Variants in IPO11 observed in about 807,000 individuals in gnomAD.
IPO11 encodes importin-11.
In IPO11, 66 loss-of-function variants were observed where a neutral mutation model predicts 143.2. The ratio of observed to expected loss-of-function variants is 0.46; its 90% confidence interval spans 0.38 to 0.57. IPO11 has a LOEUF of 0.57. Among genes scored for constraint, IPO11 ranks in the 20% least tolerant of loss-of-function variants. The pLI is 0.00. For synonymous variants in IPO11, 385 were observed against 377.8 expected, an observed-to-expected ratio of 1.02 and a Z score of -0.22; for missense variants, 1,026 against 1,141.0, an observed-to-expected ratio of 0.90 and a Z score of 1.45.
At chr5:62,559,207 A>G (rs576360948) in intron 26 of IPO11, among the ~76,000 whole-genome samples, 25 of 152,164 alleles carry the variant, frequency 1.6e-4, no homozygotes, top group African/African-American at 5.3e-4. Flanking sequence ...TGCTGCATCA[A>G]TTGACTCTTC....
intron 28 of IPO11, 100 bp from the exon 29 acceptor site, chr5:62,601,664 A>G (rs887411611): frequency 3.9e-6 from 2 of 516,770 alleles, no homozygotes; most frequent in Admixed American, 4.3e-5. Context: ...AAAAACTAAG[A>G]ACATAGAATT....
At chr5:62,577,887 A>G (rs778981208) in intron 27 of IPO11, among the ~76,000 whole-genome samples, 2 of 152,126 alleles carry the variant, frequency 1.3e-5, no homozygotes, top group Non-Finnish European at 2.9e-5. Flanking sequence ...TTATCAGGCT[A>G]TTAGTAATAT....
chr5:62,620,612 T>C (rs1580398686), intron 29 of IPO11, among the ~76,000 whole-genome samples: 1 of 152,294 alleles, frequency 6.6e-6, no homozygotes, highest in South Asian at 2.1e-4. Flanking sequence ...ATTTAAATTT[T>C]TCTGGTTGAC....
intron 24 of IPO11, among the ~76,000 whole-genome samples, chr5:62,541,574 A>G (rs983992539): frequency 6.6e-6 from 1 of 151,550 alleles, no homozygotes; most frequent in African/African-American, 2.4e-5. Context: ...CTAGCTACTC[A>G]GGAGTCTGAG....
chr5:62,527,982 C>T (rs1382239646), intron 21 of IPO11, among the ~76,000 whole-genome samples: 2 of 152,064 alleles, frequency 1.3e-5, no homozygotes, highest in Non-Finnish European at 2.9e-5. Flanking sequence ...TAATTCCTAC[C>T]CTTACATGGT....
intron 2 of IPO11, among the ~76,000 whole-genome samples, chr5:62,442,005 C>G (rs1744500732): frequency 6.6e-6 from 1 of 151,582 alleles, no homozygotes. Context: ...GCCACCATGC[C>G]CAGCTAATTT....
In IPO11 at chr5:62,504,773, A is replaced by C. The variant is rs1489704999; in HGVS notation, c.1624+73A>C. On this transcript the variant is annotated intron_variant, in intron 17 of 29. Coordinates refer to ENST00000325324, the MANE Select transcript of IPO11 (RefSeq NM_016338.5). ...ACTTTTAATTATTATTTATTTTGTG[A>C]AATTAATTTATGTATACTTGTTTTA... 2.2e-5 allele frequency: 29 copies of C among 1,343,946 alleles called. No individual in the cohort carries two copies. The Middle Eastern group carries it at 8.1e-4, about 37-fold the overall frequency. 83.3% of individuals were successfully genotyped at this position (1,343,946 alleles called of 1,614,324 possible).
chr5:62,499,557 A>G (rs951395206), intron 16 of IPO11, among the ~76,000 whole-genome samples: 8 of 144,528 alleles, frequency 5.5e-5, no homozygotes, highest in Admixed American at 7.0e-5. Flanking sequence ...AATTAACCAC[A>G]TCTTACTCTA....
chr5:62,450,014 A>T lies in IPO11; in HGVS notation c.312+15A>T. ...CAATAAACCAGGTTAGTGAGAAATG[A>T]ATGCTAATTTTTCTTTTTATTTGTA... On this transcript the variant is annotated intron_variant, in intron 4 of 29. Coordinates refer to ENST00000325324, the MANE Select transcript of IPO11 (RefSeq NM_016338.5). The T allele has an allele frequency of 6.4e-7, 1 of 1,551,368 alleles. No homozygotes were observed. The highest frequency in any genetic ancestry group is 8.7e-7 in the Non-Finnish European group (1 of 1,144,176).
intron 26 of IPO11, among the ~76,000 whole-genome samples, chr5:62,555,476 CTAAT>C (rs1236574523): frequency 1.8e-4 from 22 of 121,260 alleles, no homozygotes; most frequent in African/African-American, 5.6e-4. Flanking sequence ...CCACACCTGG[CTAAT>C]TATTTATTTA....
intron 19 of IPO11, among the ~76,000 whole-genome samples, chr5:62,514,432 A>C (rs1333406916): frequency 6.6e-6 from 1 of 151,910 alleles, no homozygotes; most frequent in African/African-American, 2.4e-5. Flanking sequence ...CCCACCAAAA[A>C]AACACGAAAA....
chr5:62,622,105 A>C (rs1264550587), intron 29 of IPO11, among the ~76,000 whole-genome samples: 1 of 152,016 alleles, frequency 6.6e-6, no homozygotes, highest in East Asian at 1.9e-4. Flanking sequence ...TTTTATTTTA[A>C]TGCATATGGA....
At chr5:62,503,564 A>T (rs1741434952) in intron 16 of IPO11, among the ~76,000 whole-genome samples, 1 of 152,138 alleles carries the variant, frequency 6.6e-6, no homozygotes, top group South Asian at 2.1e-4. Flanking sequence ...CTCATTGAAT[A>T]GTTTTTGATG....
At chr5:62,422,116 C>T (rs1035275048) in intron 1 of IPO11, among the ~76,000 whole-genome samples, 1 of 151,810 alleles carries the variant, frequency 6.6e-6, no homozygotes, top group African/African-American at 2.4e-5. Flanking sequence ...TTTTTCATAT[C>T]CAAGAAGGAA....
intron 4 of IPO11, among the ~76,000 whole-genome samples, chr5:62,450,461 T>C (rs1200922640): frequency 1.3e-5 from 2 of 152,218 alleles, no homozygotes; most frequent in South Asian, 2.1e-4. Context: ...AACAAACCTA[T>C]TGCACTGCTG....
chr5:62,577,838 G>T (rs32149), intron 27 of IPO11, among the ~76,000 whole-genome samples: 13,726 of 151,964 alleles, frequency 0.09, 677 homozygotes, highest in East Asian at 0.14. Flanking sequence ...TATCAAAGGA[G>T]AGTTGTATAC....
chr5:62,500,072 C>G (rs1465256202), intron 16 of IPO11, among the ~76,000 whole-genome samples: 1 of 152,154 alleles, frequency 6.6e-6, no homozygotes, highest in African/African-American at 2.4e-5. Flanking sequence ...ATTGCTTGAG[C>G]CCAGGAATTC....
At chr5:62,587,872 G>T (rs1455041557) in intron 27 of IPO11, among the ~76,000 whole-genome samples, 1 of 152,162 alleles carries the variant, frequency 6.6e-6, no homozygotes, top group African/African-American at 2.4e-5. Context: ...CACTGGTGGA[G>T]CGACAATTTG....
intron 1 of IPO11, among the ~76,000 whole-genome samples, chr5:62,422,036 T>C (rs1743532469): frequency 6.6e-6 from 1 of 152,264 alleles, no homozygotes; most frequent in Admixed American, 6.5e-5. Flanking sequence ...TTAAATTTAA[T>C]CTAGGCTGTG....
Sources: gnomAD v4.1 joint callset for allele counts (sites outside exome capture counted in the v4.1 genomes callset) on GRCh38, gnomAD v4.1.1 for gene constraint, MANE v1.5 for transcripts, NCBI Gene and HGNC (gene_info 2026-07-23, HGNC 2026-07-21) for gene names.